The following TAOK1 variants were observed in gnomAD, a reference collection of about 807,000 sequenced individuals.
TAOK1 encodes the protein TAO kinase 1.
Under a neutral mutation model 138.3 loss-of-function variants are expected in TAOK1, and 21 were observed. The observed-to-expected ratio is 0.15, with a 90% CI of 0.11 to 0.22. TAOK1 has a LOEUF of 0.22. Among genes scored for constraint, TAOK1 ranks in the 10% least tolerant of loss-of-function variants. The pLI is 1.00. For synonymous variants in TAOK1, 361 were observed against 398.4 expected, an observed-to-expected ratio of 0.91 and a Z score of 1.12; for missense variants, 651 against 1,227.7, an observed-to-expected ratio of 0.53 and a Z score of 7.02.
intron 10 of TAOK1, 70 bp downstream of exon 10, chr17:29,491,935 A>C: frequency 8.7e-7 from 1 of 1,150,460 alleles, no homozygotes; most frequent in Non-Finnish European, 1.3e-6. Context: ...CCCAGGCTGG[A>C]GTGGCAGTGG....
intron 13 of TAOK1, among the ~76,000 whole-genome samples, chr17:29,503,963 C>G (rs2031578621): frequency 6.6e-6 from 1 of 151,858 alleles, no homozygotes; most frequent in African/African-American, 2.4e-5. Context: ...ATAGAAAAAT[C>G]AGCTGGGCAT....
intron 19 of TAOK1, among the ~76,000 whole-genome samples, chr17:29,541,034 T>G (rs1010825761): frequency 1.3e-5 from 2 of 151,364 alleles, no homozygotes; most frequent in East Asian, 4.0e-4. Flanking sequence ...CTGTAGTACC[T>G]TATAAATATC....
intron 1 of TAOK1, among the ~76,000 whole-genome samples, chr17:29,397,837 G>GTATA (rs765173532): frequency 6.8e-6 from 1 of 147,450 alleles, no homozygotes; most frequent in Admixed American, 6.7e-5. Context: ...ATATATATGT[G>GTATA]TATATATATA....
intron 6 of TAOK1, among the ~76,000 whole-genome samples, chr17:29,479,812 A>G (rs2031022625): frequency 6.6e-6 from 1 of 152,130 alleles, no homozygotes; most frequent in African/African-American, 2.4e-5. Context: ...ATTTCAGAAA[A>G]GTAAATTTGG....
At chr17:29,493,476 A>C (rs984595110) in intron 10 of TAOK1, among the ~76,000 whole-genome samples, 1 of 151,960 alleles carries the variant, frequency 6.6e-6, no homozygotes, top group African/African-American at 2.4e-5. Flanking sequence ...CCTGGGCAAT[A>C]AGAGGAAGCT....
At chr17:29,406,843 C>A (rs1442989895) in intron 1 of TAOK1, among the ~76,000 whole-genome samples, 3 of 152,140 alleles carry the variant, frequency 2.0e-5, no homozygotes, top group African/African-American at 7.2e-5. Context: ...ACTGGCATTA[C>A]AGGTGTGAGC....
At chr17:29,463,813 A>T (rs753435225) in intron 2 of TAOK1, among the ~76,000 whole-genome samples, 3 of 152,202 alleles carry the variant, frequency 2.0e-5, no homozygotes, top group Admixed American at 6.5e-5. Flanking sequence ...TGCAAATGAT[A>T]TATCTGACAA....
intron 10 of TAOK1, among the ~76,000 whole-genome samples, chr17:29,494,653 T>C (rs997838737): frequency 1.3e-5 from 2 of 151,714 alleles, no homozygotes; most frequent in Non-Finnish European, 2.9e-5. Flanking sequence ...GGTGAAACCC[T>C]GACTCTACTA....
intron 1 of TAOK1, among the ~76,000 whole-genome samples, chr17:29,415,159 G>A (rs950076748): frequency 6.6e-6 from 1 of 152,110 alleles, no homozygotes; most frequent in African/African-American, 2.4e-5. Flanking sequence ...TAGTAGAGAC[G>A]GGGTTTCGTC....
chr17:29,495,212 G>A (rs1349404869), intron 10 of TAOK1, among the ~76,000 whole-genome samples: 1 of 152,056 alleles, frequency 6.6e-6, no homozygotes. Flanking sequence ...ATATGACTCA[G>A]AGCTGAACAT....
chr17:29,437,480 G>A (rs1906070715), intron 1 of TAOK1, among the ~76,000 whole-genome samples: 1 of 151,778 alleles, frequency 6.6e-6, no homozygotes, highest in South Asian at 2.1e-4. Context: ...TTACAGGCCT[G>A]AGCCACCACG....
chr17:29,531,983 C>T (rs1157946734), intron 18 of TAOK1, among the ~76,000 whole-genome samples: 1 of 151,724 alleles, frequency 6.6e-6, no homozygotes, highest in African/African-American at 2.4e-5. Context: ...GCCTCAGCCT[C>T]CCGAATAGCT....
intron 12 of TAOK1, 60 bp from the exon 13 acceptor site, chr17:29,502,529 C>T (rs2153028674): frequency 2.0e-6 from 3 of 1,521,122 alleles, no homozygotes; most frequent in South Asian, 1.3e-5. Context: ...CTTTAATTTC[C>T]ATAAAGATTC....
chr17:29,432,087 GA>G, intron 1 of TAOK1, among the ~76,000 whole-genome samples: 2 of 152,320 alleles, frequency 1.3e-5, no homozygotes, highest in South Asian at 4.1e-4. Context: ...CACACACACA[GA>G]AATATAAAGT....
In TAOK1 at chr17:29,530,750, T is replaced by C; in HGVS notation, c.2361+131T>C. The C allele has an allele frequency of 2.6e-5, 19 of 729,466 alleles. No homozygotes were observed. The South Asian group carries it at 2.8e-4, about 11-fold the overall frequency. The allele number at this position is 729,466 out of a possible 1,614,324, so 45.2% of individuals were successfully genotyped here. A position where few individuals can be genotyped will look rare whatever the true frequency, so the allele number is the denominator to read the frequency against. On this transcript the variant is annotated intron_variant, in intron 18 of 19. Coordinates refer to ENST00000261716, the MANE Select transcript of TAOK1 (RefSeq NM_020791.4). ...TGAAGCTTGGGAAATGTGGTGGTGG[T>C]TCATTTTCTTCCTGTTCTCAACATT...
Position 29,548,236 on chromosome 17 carries a change from C to T in TAOK1, c.*5214C>T, listed in dbSNP as rs148970896. On this transcript the variant is annotated 3_prime_UTR_variant, in exon 20 of 20. Transcript: ENST00000261716. ...TAAGAAATATATAAATTAGTATGCA[C>T]CTTATCTGCCTGTTGTGGGTTTCTT... 44 of 152,174 alleles carry T rather than the reference C, an allele frequency of 2.9e-4. No homozygotes were observed. Among genetic ancestry groups the T allele is most frequent in the African/African-American group, 1.0e-3 (42 of 41,540 alleles). 9.4% of individuals were successfully genotyped at this position (152,174 alleles called of 1,614,324 possible). A position where few individuals can be genotyped will look rare whatever the true frequency, so the allele number is the denominator to read the frequency against.
chr17:29,489,846 A>G, intron 9 of TAOK1, 89 bp downstream of exon 9: 1 of 895,306 alleles, frequency 1.1e-6, no homozygotes, highest in Non-Finnish European at 1.7e-6. Context: ...AATTTCAGTT[A>G]GGTAAAATGT....
chr17:29,518,654 A>T (rs1348773753), intron 16 of TAOK1, among the ~76,000 whole-genome samples: 1 of 152,186 alleles, frequency 6.6e-6, no homozygotes, highest in African/African-American at 2.4e-5. Context: ...GCAATTTTTT[A>T]TATCTCCAGT....
intron 13 of TAOK1, among the ~76,000 whole-genome samples, chr17:29,503,213 G>C (rs186493170): frequency 6.6e-6 from 1 of 151,812 alleles, no homozygotes; most frequent in Non-Finnish European, 1.5e-5. Context: ...TGGCTAACAC[G>C]ATGAAACCCC....
Sources: allele counts gnomAD v4.1 joint callset (sites outside exome capture counted in the v4.1 genomes callset), GRCh38; gene constraint gnomAD v4.1.1; transcripts MANE v1.5; gene names NCBI Gene and HGNC (gene_info 2026-07-23, HGNC 2026-07-21).